RASEF: variants seen among roughly 807,000 people sequenced by gnomAD.
The protein encoded by RASEF is RAS and EF-hand domain containing, also known as ras and EF-hand domain-containing protein.
Under a neutral mutation model 90.1 loss-of-function variants are expected in RASEF, and 68 were observed. The observed-to-expected ratio is 0.75, with a 90% CI of 0.62 to 0.92. RASEF has a LOEUF of 0.92. Ranked by LOEUF, RASEF falls within the 40% of genes least tolerant of loss-of-function variation. The pLI, the probability that RASEF is intolerant of heterozygous loss-of-function variation, is 0.00. For missense variants in RASEF, 949 were observed against 937.2 expected (o/e 1.01, Z -0.16); for synonymous variants, 331 against 345.2 (o/e 0.96, Z 0.46).
chr9:83,177,873 CTCT>C, the RASEF span, among the ~76,000 whole-genome samples: 3 of 151,878 alleles, frequency 2.0e-5, no homozygotes, highest in South Asian at 6.2e-4. Context: ...TCTTTCTCTC[CTCT>C]TCTTCTAGCA....
intron 7 of RASEF, among the ~76,000 whole-genome samples, 166 bp downstream of exon 7, chr9:83,007,271 A>G (rs990323514): frequency 1.3e-5 from 2 of 152,186 alleles, no homozygotes; most frequent in African/African-American, 2.4e-5. Context: ...TATAAGCATC[A>G]GAAAGCTAAG....
chr9:83,126,056 G>A, the RASEF span, among the ~76,000 whole-genome samples: 1 of 152,112 alleles, frequency 6.6e-6, no homozygotes, highest in Non-Finnish European at 1.5e-5. Context: ...AGAGCTATGT[G>A]GCCTAGGCAC....
the RASEF span, among the ~76,000 whole-genome samples, chr9:83,068,318 A>G: frequency 2.6e-5 from 4 of 152,272 alleles, no homozygotes; most frequent in Non-Finnish European, 5.9e-5. Flanking sequence ...CTTGGTGTAC[A>G]TGCTCTGCAT....
chr9:83,199,224 TAAAAAAAAAAAAAA>T, the RASEF span, among the ~76,000 whole-genome samples: 4 of 118,634 alleles, frequency 3.4e-5, no homozygotes, highest in East Asian at 5.2e-4. Flanking sequence ...AGCCCTAATT[TAAAAAAAAAAAAAA>T]AAAAAAAAAA....
At chr9:83,155,410 C>T in the RASEF span, among the ~76,000 whole-genome samples, 62 of 152,256 alleles carry the variant, frequency 4.1e-4, no homozygotes, top group Middle Eastern at 3.4e-3. Flanking sequence ...GAAAGGCATG[C>T]CTTACATGGC....
At chr9:83,088,368 AGATG>A in the RASEF span, among the ~76,000 whole-genome samples, 898 of 118,888 alleles carry the variant, frequency 7.6e-3, 10 homozygotes, top group African/African-American at 0.026. Flanking sequence ...AGATATAGAT[AGATG>A]GATAGATAGA....
At chr9:83,113,836 C>T in the RASEF span, among the ~76,000 whole-genome samples, 3 of 152,150 alleles carry the variant, frequency 2.0e-5, no homozygotes, top group Non-Finnish European at 4.4e-5. Context: ...GACACAGACC[C>T]TCATCAGTAA....
chr9:83,026,415 G>C (rs111989538), intron 1 of RASEF, among the ~76,000 whole-genome samples: 3 of 152,052 alleles, frequency 2.0e-5, no homozygotes, highest in Admixed American at 6.5e-5. Flanking sequence ...ATGACTGGGA[G>C]GCCTCAGGAA....
At chr9:83,158,960 G>C in the RASEF span, among the ~76,000 whole-genome samples, 1 of 151,914 alleles carries the variant, frequency 6.6e-6, no homozygotes, top group Admixed American at 6.5e-5. Flanking sequence ...GCCGAGGCGG[G>C]TAGATCACAA....
the RASEF span, among the ~76,000 whole-genome samples, chr9:83,144,355 GAAA>G: frequency 1.6e-5 from 1 of 60,788 alleles, no homozygotes; most frequent in African/African-American, 7.8e-5. Context: ...AAGAAAGAAA[GAAA>G]GAAAGAAAGA....
chr9:83,007,899 T>A (rs1242263244), intron 6 of RASEF, among the ~76,000 whole-genome samples: 1 of 152,190 alleles, frequency 6.6e-6, no homozygotes, highest in Non-Finnish European at 1.5e-5. Context: ...TTCAATCCTC[T>A]GAACCTTCCC....
the RASEF span, among the ~76,000 whole-genome samples, chr9:83,088,372 G>GGATGGATAGATAGATA: frequency 6.8e-6 from 1 of 147,478 alleles, no homozygotes; most frequent in Middle Eastern, 3.2e-3. Flanking sequence ...ATAGATAGAT[G>GGATGGATAGATAGATA]GATAGATAGA....
At chr9:83,201,636 C>T in the RASEF span, among the ~76,000 whole-genome samples, 1 of 152,124 alleles carries the variant, frequency 6.6e-6, no homozygotes, top group Admixed American at 6.6e-5. Flanking sequence ...CTCTACTCCT[C>T]ACTACAAATT....
chr9:83,027,873 C>T (rs1829575596), intron 1 of RASEF, among the ~76,000 whole-genome samples: 1 of 152,194 alleles, frequency 6.6e-6, no homozygotes, highest in Non-Finnish European at 1.5e-5. Flanking sequence ...ATCCATGCTT[C>T]TCCGGATTGA....
the RASEF span, among the ~76,000 whole-genome samples, chr9:83,108,513 A>T: frequency 2.0e-5 from 3 of 152,174 alleles, no homozygotes; most frequent in African/African-American, 7.2e-5. Flanking sequence ...AGTGGTTCAG[A>T]ATTTTTTTGT....
chr9:83,144,405 AAAGAAAG>A, the RASEF span, among the ~76,000 whole-genome samples: 1 of 148,470 alleles, frequency 6.7e-6, no homozygotes, highest in African/African-American at 2.5e-5. Flanking sequence ...AGAAAGAAAG[AAAGAAAG>A]AAAGAAAAGA....
chr9:83,023,743 G>T (rs199785059), intron 2 of RASEF, among the ~76,000 whole-genome samples: 3 of 152,022 alleles, frequency 2.0e-5, no homozygotes, highest in African/African-American at 7.2e-5. Flanking sequence ...GCGGTTTTTT[G>T]GTCAACTCTG....
Position 83,019,183 on chromosome 9 carries a change from G to A in RASEF, c.669+3153C>T, listed in dbSNP as rs540947125. Among the ~76,000 whole-genome samples, 9 of 152,040 alleles carry A rather than the reference G, an allele frequency of 5.9e-5. No individual in the cohort carries two copies. The East Asian group carries it at 9.6e-4, about 16-fold the overall frequency. On this transcript the variant is annotated intron_variant, in intron 3 of 16. Transcript: ENST00000376447. The stretch of plus-strand genomic sequence containing the variant: ...TTAGGAGAATGAAAAGACAGGTCAC[G>A]GTGTGGGTGAAAATATTTATAGATC...
chr9:83,186,523 C>T, the RASEF span, among the ~76,000 whole-genome samples: 2 of 152,160 alleles, frequency 1.3e-5, no homozygotes, highest in African/African-American at 4.8e-5. Flanking sequence ...GCACGCTGTT[C>T]CTGCACTACT....
Sources: allele counts gnomAD v4.1 joint callset (sites outside exome capture counted in the v4.1 genomes callset), GRCh38; gene constraint gnomAD v4.1.1; transcripts MANE v1.5; gene names NCBI Gene and HGNC (gene_info 2026-07-23, HGNC 2026-07-21).